KCNH1: variants seen among roughly 807,000 people sequenced by gnomAD.
KCNH1 encodes the protein voltage-gated delayed rectifier potassium channel KCNH1.
KCNH1 carries 27 observed loss-of-function variants against 69.2 expected under a neutral mutation model. The ratio of observed to expected loss-of-function variants is 0.39; its 90% CI spans 0.29 to 0.54. KCNH1 has a LOEUF of 0.54. KCNH1 is among the 20% of genes least tolerant of loss of function. The pLI, the probability that KCNH1 is intolerant of heterozygous loss-of-function variation, is 0.68. For missense variants in KCNH1, 798 were observed against 1,261.6 expected, an observed-to-expected ratio of 0.63 and a Z score of 5.57; for synonymous variants, 456 against 487.7, an observed-to-expected ratio of 0.93 and a Z score of 0.86.
chr1:210,851,521 A>G (rs567745615), intron 7 of KCNH1, among the ~76,000 whole-genome samples: 13 of 152,340 alleles, frequency 8.5e-5, no homozygotes, highest in African/African-American at 2.6e-4. Flanking sequence ...AGTTTCATCA[A>G]TTGGAGATAT....
Position 210,835,095 on chromosome 1 carries a change from C to T in KCNH1, c.1463-30929G>A, listed in dbSNP as rs570830339. On this transcript the variant is annotated intron_variant, in intron 7 of 10. Transcript: ENST00000271751. ...TGAGTGCCTAAAAACTCATAGAATGCCTTTTGTTTCTTCTAATAAGTAATT... is the reference window on the plus strand; with the variant it reads ...TGAGTGCCTAAAAACTCATAGAATGTCTTTTGTTTCTTCTAATAAGTAATT... 9.9e-5 allele frequency among the ~76,000 whole-genome samples: 15 copies of T among 152,242 alleles called. 1 individual carries two copies. The South Asian group carries it at 2.5e-3, about 25-fold the overall frequency.
Position 210,683,977 on chromosome 1 carries a change from GC to G in KCNH1, c.2273del (p.Gly758AlafsTer7). 1 of 1,600,548 alleles carries G rather than the reference GC, an allele frequency of 6.2e-7. No individual in the cohort carries two copies. The highest frequency in any genetic ancestry group is 8.5e-7 in the Non-Finnish European group (1 of 1,169,672). On this transcript the variant is annotated frameshift_variant, in exon 11 of 11. Coordinates refer to ENST00000271751, the MANE Select transcript of KCNH1 (RefSeq NM_172362.3). LOFTEE classifies it low-confidence loss of function (END_TRUNC). The surrounding 1 kb of genome is among the most constrained non-coding windows in gnomAD (Gnocchi z 5.7). ...KEARLAAERG[G>X]RDLDDLDVEK... ...CCACATCTAGGTCATCCAGGTCCCG[GC>G]CCCCTCTCTCAGCTGCCAGCCTGGC...
chr1:210,678,347 A>G lies in KCNH1; in HGVS notation c.*4934T>C, dbSNP rs1016713975. 6.8e-6 allele frequency: 1 copy of G among 146,006 alleles called. No individual in the cohort carries two copies. Among genetic ancestry groups the G allele is most frequent in the Non-Finnish European group, 1.5e-5 (1 of 65,116 alleles). The allele number at this position is 146,006 out of a possible 1,614,324, so 9.0% of individuals were successfully genotyped here. On this transcript the variant is annotated 3_prime_UTR_variant, in exon 11 of 11. Coordinates refer to ENST00000271751, the MANE Select transcript of KCNH1 (RefSeq NM_172362.3). ...AAAATAGTTTATTACCATAATAAATAAAACTTTTTTTTTTTACAAATATCA... is the reference window on the plus strand; with the variant it reads ...AAAATAGTTTATTACCATAATAAATGAAACTTTTTTTTTTTACAAATATCA...
At chr1:211,092,147 A>G (rs1691063875) in intron 3 of KCNH1, among the ~76,000 whole-genome samples, 1 of 152,226 alleles carries the variant, frequency 6.6e-6, no homozygotes, top group African/African-American at 2.4e-5. Context: ...AGCATTTTAC[A>G]TATATTATTT....
intron 5 of KCNH1, among the ~76,000 whole-genome samples, chr1:211,043,373 T>G (rs955605637): frequency 6.6e-6 from 1 of 152,150 alleles, no homozygotes; most frequent in African/African-American, 2.4e-5. Context: ...GATGAATTCC[T>G]GGAAAGATAC....
At chr1:210,850,750 A>G (rs1360875558) in intron 7 of KCNH1, among the ~76,000 whole-genome samples, 2 of 152,178 alleles carry the variant, frequency 1.3e-5, no homozygotes, top group East Asian at 3.9e-4. Context: ...CTCTAACATC[A>G]TGATTCACAG....
intron 7 of KCNH1, among the ~76,000 whole-genome samples, chr1:210,838,609 A>T (rs1381721051): frequency 1.3e-5 from 2 of 152,212 alleles, no homozygotes; most frequent in East Asian, 3.8e-4. Context: ...AGCAAAAGAA[A>T]CTATCAACAG....
In KCNH1 at chr1:210,980,861, A is replaced by G. The variant is rs1007968990; in HGVS notation, c.1032+37922T>C. On this transcript the variant is annotated intron_variant, in intron 6 of 10. Transcript: ENST00000271751. ...TGTGTGTGTGCATTTATATACATAC[A>G]TATGATAAAGCAGATATCTCTACCT... 1.6e-4 allele frequency among the ~76,000 whole-genome samples: 25 copies of G among 152,100 alleles called. 1 individual carries two copies. The highest frequency in any genetic ancestry group is 8.8e-5 in the Non-Finnish European group (6 of 67,994).
rs549441414 is a variant in KCNH1 at position 210,887,164 on chromosome 1, C to CA, written c.1462+32475dup. Among the ~76,000 whole-genome samples, 530 of 152,250 alleles carry CA rather than the reference C, an allele frequency of 3.5e-3. 5 individuals are homozygous for CA. The highest frequency in any genetic ancestry group is 0.012 in the African/African-American group (478 of 41,552). ...CCAGAAAGAAAGGTCGGGTTACCCA[C>CA]AAAGGGAAGCCCATCAGACTAACAG... is the stretch of plus-strand genomic sequence containing the variant. On this transcript the variant is annotated intron_variant, in intron 7 of 10. Transcript: ENST00000271751.
chr1:210,921,629 A>C (rs1349854175), intron 6 of KCNH1, among the ~76,000 whole-genome samples: 1 of 152,194 alleles, frequency 6.6e-6, no homozygotes, highest in Non-Finnish European at 1.5e-5. Flanking sequence ...CCTGAGGTCT[A>C]GTTCTTGCCA....
chr1:210,859,941 A>G (rs1157703593), intron 7 of KCNH1: 19 of 1,552,984 alleles, frequency 1.2e-5, no homozygotes, highest in African/African-American at 2.7e-5. Flanking sequence ...TTGCATACCC[A>G]TAGTTCAAAG....
At chr1:210,751,113 G>C (rs1683274407) in intron 10 of KCNH1, among the ~76,000 whole-genome samples, 1 of 152,214 alleles carries the variant, frequency 6.6e-6, no homozygotes, top group Non-Finnish European at 1.5e-5. Context: ...GTTCTATAGA[G>C]AGGAGAGTTA....
intron 10 of KCNH1, among the ~76,000 whole-genome samples, chr1:210,721,095 T>TAACA (rs1682443886): frequency 6.6e-6 from 1 of 152,100 alleles, no homozygotes; most frequent in African/African-American, 2.4e-5. Flanking sequence ...GTCCCATGTA[T>TAACA]AACAGCCCTG....
chr1:210,995,086 A>G (rs1484323535), intron 6 of KCNH1, among the ~76,000 whole-genome samples: 3 of 152,312 alleles, frequency 2.0e-5, no homozygotes, highest in South Asian at 2.1e-4. Context: ...GTGGGGCACC[A>G]TCTACCAAGC....
At chr1:210,709,900 T>C (rs1021778913) in intron 10 of KCNH1, among the ~76,000 whole-genome samples, 2 of 152,308 alleles carry the variant, frequency 1.3e-5, no homozygotes, top group Admixed American at 6.5e-5. Context: ...AAGCAGACAA[T>C]GTGATGTACA....
intron 1 of KCNH1, among the ~76,000 whole-genome samples, chr1:211,130,871 T>A (rs529009682): frequency 6.6e-6 from 1 of 152,264 alleles, no homozygotes; most frequent in South Asian, 2.1e-4. Context: ...CAGACTGCAT[T>A]TCCTTGAAAT....
chr1:211,050,237 G>A (rs1372033398), intron 5 of KCNH1, among the ~76,000 whole-genome samples: 1 of 114,146 alleles, frequency 8.8e-6, no homozygotes, highest in African/African-American at 3.4e-5. Context: ...ACAAAGTGAG[G>A]ACAAACTCAG....
chr1:211,023,571 C>T (rs1689629155), intron 5 of KCNH1, among the ~76,000 whole-genome samples: 1 of 151,774 alleles, frequency 6.6e-6, no homozygotes, highest in South Asian at 2.1e-4. Context: ...ACAAATACCA[C>T]ATGTTCCGCT....
rs1015251785 is a variant in KCNH1 at position 211,002,280 on chromosome 1, G to A, written c.1032+16503C>T. ...TATACACACACACACATATATATAC[G>A]TATGTATACATGTATATATGTATAC... On this transcript the variant is annotated intron_variant, in intron 6 of 10. Transcript: ENST00000271751. Among the ~76,000 whole-genome samples, 10 of 142,038 alleles carry A rather than the reference G, an allele frequency of 7.0e-5. 1 individual carries two copies. The highest frequency in any genetic ancestry group is 4.6e-4 in the South Asian group (2 of 4,358). The allele number at this position is 142,038 out of a possible 152,430, so 93.2% of individuals were successfully genotyped here.
Sources: gnomAD v4.1 joint callset for allele counts (sites outside exome capture counted in the v4.1 genomes callset) on GRCh38, gnomAD v4.1.1 for gene constraint, Gnocchi (gnomAD v3.1) non-coding constraint, MANE v1.5 for transcripts, NCBI Gene and HGNC (gene_info 2026-07-23, HGNC 2026-07-21) for gene names.